Variants in SAMD12 observed in about 807,000 individuals in gnomAD.
SAMD12 encodes sterile alpha motif domain containing 12, also known as sterile alpha motif domain-containing protein 12.
SAMD12 carries 9 observed loss-of-function variants against 15.0 expected under a neutral mutation model. The observed-to-expected ratio is 0.60, with a 90% CI of 0.36 to 1.05. The LOEUF is 1.05. Among genes scored for constraint, SAMD12 ranks in the 50% least tolerant of loss-of-function variants. The pLI is 0.01. For synonymous variants in SAMD12, 86 were observed against 90.1 expected, an observed-to-expected ratio of 0.96 and a Z score of 0.25; for missense variants, 230 against 234.2, an observed-to-expected ratio of 0.98 and a Z score of 0.12.
intron 2 of SAMD12, among the ~76,000 whole-genome samples, chr8:118,445,800 A>T (rs1394736478): frequency 6.6e-6 from 1 of 152,264 alleles, no homozygotes; most frequent in East Asian, 1.9e-4. Context: ...GCCCCTAAAG[A>T]CCAGTAATGT....
intron 2 of SAMD12, among the ~76,000 whole-genome samples, chr8:118,440,427 G>T (rs1822705924): frequency 6.6e-6 from 1 of 152,108 alleles, no homozygotes; most frequent in East Asian, 1.9e-4. Flanking sequence ...ACTGGATTTA[G>T]ATAACTGTAT....
chr8:118,469,495 ATATATTTT>A, intron 2 of SAMD12, among the ~76,000 whole-genome samples: 5 of 34,202 alleles, frequency 1.5e-4, no homozygotes, highest in African/African-American at 3.9e-4. Context: ...TATATTATAT[ATATATTTT>A]TATATAATAT....
At chr8:118,474,127 AT>A (rs1273296786) in intron 2 of SAMD12, among the ~76,000 whole-genome samples, 1 of 150,870 alleles carries the variant, frequency 6.6e-6, no homozygotes, top group African/African-American at 2.4e-5. Context: ...TGCTCAGCTA[AT>A]TTTTGTATTT....
chr8:118,161,809 C>T, the SAMD12 span, among the ~76,000 whole-genome samples: 1 of 151,702 alleles, frequency 6.6e-6, no homozygotes, highest in African/African-American at 2.4e-5. Context: ...CATATAAACA[C>T]AGGAATGGAT....
chr8:118,350,730 C>T (rs1817923114), intron 4 of SAMD12, among the ~76,000 whole-genome samples: 1 of 152,216 alleles, frequency 6.6e-6, no homozygotes, highest in Admixed American at 6.5e-5. Flanking sequence ...ATAAGGCCCA[C>T]ACAGAAAGGC....
At chr8:118,166,682 T>C in the SAMD12 span, among the ~76,000 whole-genome samples, 2 of 152,350 alleles carry the variant, frequency 1.3e-5, no homozygotes, top group East Asian at 1.9e-4. Context: ...TTCATTTTAA[T>C]TTAATGCATA....
rs564942824 is a variant in SAMD12, at chr8:118,284,618, C to T, written c.434-86886G>A. 265 of 243,242 alleles carry T rather than the reference C, an allele frequency of 1.1e-3. 1 individual carries two copies. The highest frequency in any genetic ancestry group is 5.5e-3 in the African/African-American group (237 of 43,050). The allele number at this position is 243,242 out of a possible 1,614,324, so 15.1% of individuals were successfully genotyped here. A position where few individuals can be genotyped will look rare whatever the true frequency, so the allele number is the denominator to read the frequency against. ...TATATACATACAGCATCATTGTTTT[C>T]TGGAAAATGGGCTACAGGAGAATCT... On this transcript the variant is annotated intron_variant, in intron 4 of 4. Coordinates refer to the SAMD12 transcript ENST00000409003.
intron 1 of SAMD12, chr8:118,621,569 ACCT>A (rs1828407807): frequency 1.7e-6 from 1 of 577,614 alleles, no homozygotes; most frequent in African/African-American, 1.9e-5. Context: ...TCGTCTCCAC[ACCT>A]CCTACCTCAA....
At chr8:118,339,992 G>A (rs139830523) in intron 4 of SAMD12, among the ~76,000 whole-genome samples, 1 of 152,220 alleles carries the variant, frequency 6.6e-6, no homozygotes, top group Non-Finnish European at 1.5e-5. Flanking sequence ...CAAGGGCAGG[G>A]ATCGTGTCTC....
At chr8:118,554,721 C>T (rs932987405) in intron 2 of SAMD12, among the ~76,000 whole-genome samples, 2 of 151,858 alleles carry the variant, frequency 1.3e-5, no homozygotes, top group Non-Finnish European at 2.9e-5. Context: ...AACCAATTGA[C>T]TTTAAAGCAG....
chr8:118,287,405 G>A (rs1414874185), intron 4 of SAMD12, among the ~76,000 whole-genome samples: 1 of 152,184 alleles, frequency 6.6e-6, no homozygotes, highest in East Asian at 1.9e-4. Flanking sequence ...AATTACAGGC[G>A]TGAGCCACCG....
intron 3 of SAMD12, among the ~76,000 whole-genome samples, chr8:118,384,369 G>A (rs1310674659): frequency 6.6e-6 from 1 of 152,170 alleles, no homozygotes; most frequent in Non-Finnish European, 1.5e-5. Context: ...GTGGAGAATG[G>A]ATTTGAGGCA....
At chr8:118,351,969 A>T (rs1346194385) in intron 4 of SAMD12, among the ~76,000 whole-genome samples, 1 of 152,216 alleles carries the variant, frequency 6.6e-6, no homozygotes, top group East Asian at 1.9e-4. Context: ...AGGATTATCC[A>T]ACCAATGTAT....
intron 4 of SAMD12, among the ~76,000 whole-genome samples, chr8:118,229,348 C>T (rs2451174): frequency 0.87 from 131,864 of 151,806 alleles, 58,440 homozygotes; most frequent in Non-Finnish European, 0.92. Context: ...TTATCTTGCC[C>T]TTGCAAGATA....
At chr8:118,276,765 C>T (rs1346512557) in intron 4 of SAMD12, among the ~76,000 whole-genome samples, 1 of 152,110 alleles carries the variant, frequency 6.6e-6, no homozygotes, top group Non-Finnish European at 1.5e-5. Flanking sequence ...CTCTGCCTCC[C>T]AGGTTCAAGT....
Position 118,379,337 on chromosome 8 carries a change from T to C in SAMD12, c.*80A>G. On this transcript the variant is annotated 3_prime_UTR_variant, in exon 4 of 4. Coordinates refer to ENST00000314727, the MANE Select transcript of SAMD12 (RefSeq NM_207506.3). ...ACCACCTTGAAGTTAGCTCAGGTAATTCTGTTTGCTCATCCATTACTTATT... is the reference window on the plus strand; with the variant it reads ...ACCACCTTGAAGTTAGCTCAGGTAACTCTGTTTGCTCATCCATTACTTATT... 1 of 1,527,574 alleles carries C rather than the reference T, an allele frequency of 6.5e-7. No individual in the cohort carries two copies. Among genetic ancestry groups the C allele is most frequent in the Non-Finnish European group, 8.8e-7 (1 of 1,141,124 alleles). The allele number at this position is 1,527,574 out of a possible 1,614,324, so 94.6% of individuals were successfully genotyped here. A position where few individuals can be genotyped will look rare whatever the true frequency, so the allele number is the denominator to read the frequency against.
At chr8:118,408,418 C>G (rs1218798542) in intron 3 of SAMD12, among the ~76,000 whole-genome samples, 4 of 152,148 alleles carry the variant, frequency 2.6e-5, no homozygotes, top group Non-Finnish European at 4.4e-5. Flanking sequence ...GGATCATCAG[C>G]CTCCATATCT....
intron 2 of SAMD12, among the ~76,000 whole-genome samples, chr8:118,505,018 T>G (rs1368562213): frequency 6.6e-6 from 1 of 152,228 alleles, no homozygotes; most frequent in Non-Finnish European, 1.5e-5. Context: ...ACTTCTGGCC[T>G]CCAGAACTGT....
chr8:118,539,836 A>G (rs566403727), intron 2 of SAMD12, among the ~76,000 whole-genome samples: 11 of 152,322 alleles, frequency 7.2e-5, no homozygotes, highest in African/African-American at 2.6e-4. Context: ...AGGGATGAAA[A>G]GGGAAAAAAG....
Sources: allele counts gnomAD v4.1 joint callset (sites outside exome capture counted in the v4.1 genomes callset), GRCh38; gene constraint gnomAD v4.1.1; transcripts MANE v1.5; gene names NCBI Gene and HGNC (gene_info 2026-07-23, HGNC 2026-07-21).